Variants in ANK2 observed in about 807,000 individuals in gnomAD.
The protein encoded by ANK2 is ankyrin-2.
Under a neutral mutation model 360.5 loss-of-function variants are expected in ANK2, and 83 were observed. That is an observed-to-expected ratio of 0.23 (90% CI 0.19 to 0.28). ANK2 has a LOEUF of 0.28. ANK2 is among the 10% of genes least tolerant of loss of function. ANK2 has a pLI of 1.00. For missense variants in ANK2, 4,201 were observed against 4,795.7 expected (o/e 0.88, Z 3.66); for synonymous variants, 1,740 against 1,759.5 (o/e 0.99, Z 0.28).
chr4:113,263,991 G>A (rs1481292459), intron 13 of ANK2, among the ~76,000 whole-genome samples: 1 of 152,132 alleles, frequency 6.6e-6, no homozygotes, highest in Non-Finnish European at 1.5e-5. Flanking sequence ...CCTGACAAAT[G>A]TGTCATATTT....
Position 112,906,097 on chromosome 4 carries a change from A to T in ANK2, c.21+1583A>T, listed in dbSNP as rs2085106449. ...AAAAGCTAAGTCAGAAATTGGATAG[A>T]TGAATCTTAGAAGCTCAGAGGAAAG... On this transcript the variant is annotated intron_variant, in intron 2 of 30. Transcript: ENST00000503271. Among the ~76,000 whole-genome samples the T allele has an allele frequency of 2.6e-5, 4 of 152,236 alleles. No individual in the cohort carries two copies. In the South Asian group the frequency reaches 8.3e-4, roughly 32 times the overall value.
At chr4:113,088,023 T>C (rs1240598426) in intron 1 of ANK2, among the ~76,000 whole-genome samples, 1 of 152,198 alleles carries the variant, frequency 6.6e-6, no homozygotes, top group East Asian at 1.9e-4. Flanking sequence ...GGTTCTCTTT[T>C]TGAAAATGGA....
the ANK2 span, among the ~76,000 whole-genome samples, chr4:112,729,676 AG>A: frequency 6.6e-6 from 1 of 151,026 alleles, no homozygotes; most frequent in Non-Finnish European, 1.5e-5. Context: ...TGAACCCGGG[AG>A]GCGGAGGTTG....
chr4:112,848,290 G>T (rs917482236), intron 1 of ANK2, among the ~76,000 whole-genome samples: 4 of 152,058 alleles, frequency 2.6e-5, no homozygotes, highest in Non-Finnish European at 4.4e-5. Context: ...TTCCCAAGTA[G>T]CTGGGATTAC....
At chr4:112,747,518 C>T in the ANK2 span, among the ~76,000 whole-genome samples, 1 of 152,042 alleles carries the variant, frequency 6.6e-6, no homozygotes, top group Admixed American at 6.6e-5. Flanking sequence ...TGGAGTTCTC[C>T]TAGGAACTCT....
intron 1 of ANK2, among the ~76,000 whole-genome samples, chr4:112,878,175 T>TATCTATCTATCTATCTATCTATC (rs1384464625): frequency 7.2e-4 from 109 of 152,168 alleles, no homozygotes; most frequent in African/African-American, 2.1e-3. Flanking sequence ...TCTATCTATC[T>TATCTATCTATCTATCTATCTATC]ATCTATCTCC....
At chr4:113,148,056 C>G (rs1054885574) in intron 1 of ANK2, among the ~76,000 whole-genome samples, 1 of 152,180 alleles carries the variant, frequency 6.6e-6, no homozygotes, top group African/African-American at 2.4e-5. Context: ...AGACTTTGCC[C>G]TGGATCCTAG....
intron 1 of ANK2, among the ~76,000 whole-genome samples, chr4:113,111,992 C>T (rs2094347333): frequency 7.0e-6 from 1 of 142,668 alleles, no homozygotes; most frequent in African/African-American, 2.7e-5. Context: ...TCCTGGCTGG[C>T]TCATAGTAGG....
At chr4:112,977,113 A>C (rs2041689653) in intron 2 of ANK2, among the ~76,000 whole-genome samples, 1 of 152,168 alleles carries the variant, frequency 6.6e-6, no homozygotes, top group African/African-American at 2.4e-5. Flanking sequence ...CCACATGTTT[A>C]CTGATTTTTA....
chr4:113,282,788 A>G lies in ANK2; in HGVS notation c.1995A>G (p.Pro665=), dbSNP rs45442693. The G allele has an allele frequency of 9.7e-4, 1,569 of 1,613,794 alleles. 12 individuals are homozygous for G. The African/African-American group carries it at 0.019, about 19-fold the overall frequency. Residue 665 remains proline (P), a synonymous_variant, in exon 18 of 46, where the codon CCA becomes CCG. Transcript: ENST00000357077. The stretch of plus-strand genomic sequence containing the variant: ...TTGTGACAAAGCAAGGAGTAACTCC[A>G]CTCCATCTGGCCTCGCAGGAGGGGC... ...TNIVTKQGVT[P]LHLASQEGHT...
At chr4:112,892,787 C>A (rs779644245) in intron 1 of ANK2, among the ~76,000 whole-genome samples, 12 of 152,002 alleles carry the variant, frequency 7.9e-5, no homozygotes, top group Non-Finnish European at 1.6e-4. Context: ...TCTTTTTGTT[C>A]TTGTTATTAG....
At chr4:112,902,500 C>T (rs2083764862) in intron 1 of ANK2, among the ~76,000 whole-genome samples, 1 of 152,148 alleles carries the variant, frequency 6.6e-6, no homozygotes, top group Non-Finnish European at 1.5e-5. Context: ...TTTAATTGGG[C>T]CAGGTTTTTG....
Position 113,323,850 on chromosome 4 carries a change from C to T in ANK2, c.2900+5230C>T, listed in dbSNP as rs79469986. The T allele has an allele frequency of 6.2e-4, 947 of 1,532,874 alleles. 7 individuals carry two copies. The African/African-American group carries it at 0.01, about 16-fold the overall frequency. 95.0% of individuals were successfully genotyped at this position (1,532,874 alleles called of 1,614,324 possible). On this transcript the variant is annotated intron_variant, in intron 26 of 45. Transcript: ENST00000357077. The stretch of plus-strand genomic sequence containing the variant: ...ATGTTGCCTATTCCTCTCCCCCTTT[C>T]GCCATCTCCTTCTGCATATTCCTTG...
At chr4:113,192,739 TC>T (rs1445431131) in intron 2 of ANK2, among the ~76,000 whole-genome samples, 5 of 152,048 alleles carry the variant, frequency 3.3e-5, no homozygotes, top group African/African-American at 9.7e-5. Flanking sequence ...TAATAGTGAT[TC>T]CTATGTCATT....
chr4:112,709,369 A>G, the ANK2 span, among the ~76,000 whole-genome samples: 1 of 152,228 alleles, frequency 6.6e-6, no homozygotes, highest in East Asian at 1.9e-4. Context: ...TGTCATATAC[A>G]TTAAAGGACC....
intron 13 of ANK2, among the ~76,000 whole-genome samples, chr4:113,260,433 A>T (rs1032424841): frequency 2.0e-5 from 3 of 152,116 alleles, no homozygotes; most frequent in Non-Finnish European, 2.9e-5. Context: ...TCATTTGTCC[A>T]TTATATTATC....
At chr4:112,959,889 C>T (rs954149558) in intron 2 of ANK2, among the ~76,000 whole-genome samples, 3 of 152,094 alleles carry the variant, frequency 2.0e-5, no homozygotes, top group Non-Finnish European at 2.9e-5. Flanking sequence ...AAATCTGCCT[C>T]GGAACTGTCC....
At chr4:112,719,478 C>T in the ANK2 span, among the ~76,000 whole-genome samples, 1 of 152,020 alleles carries the variant, frequency 6.6e-6, no homozygotes, top group East Asian at 1.9e-4. Flanking sequence ...CCTGTAATCC[C>T]AGCACTTTGG....
chr4:113,112,202 C>T (rs988069170), intron 1 of ANK2, among the ~76,000 whole-genome samples: 2 of 152,126 alleles, frequency 1.3e-5, no homozygotes, highest in African/African-American at 4.8e-5. Flanking sequence ...TGGGGCTTTT[C>T]TGATTCTGGA....
Sources: allele counts gnomAD v4.1 joint callset (sites outside exome capture counted in the v4.1 genomes callset), GRCh38; gene constraint gnomAD v4.1.1; transcripts MANE v1.5; gene names NCBI Gene and HGNC (gene_info 2026-07-23, HGNC 2026-07-21).